The following TLK1 variants were observed in gnomAD, a reference collection of about 807,000 sequenced individuals.
TLK1 encodes tousled like kinase 1.
A neutral mutation model predicts 105.3 loss-of-function variants in TLK1; 24 were observed. That is an observed-to-expected ratio of 0.23 (90% CI 0.17 to 0.32). The LOEUF (loss-of-function observed/expected upper bound fraction) is 0.32, where lower values mean the gene tolerates loss of function less well. Ranked by LOEUF, TLK1 falls within the 10% of genes least tolerant of loss-of-function variation. The pLI is 1.00. For missense variants in TLK1, 558 were observed against 910.5 expected (o/e 0.61, Z 4.98); for synonymous variants, 321 against 310.4 (o/e 1.03, Z -0.36).
At chr2:171,093,843 A>G (rs1052374661) in intron 2 of TLK1, among the ~76,000 whole-genome samples, 3 of 152,156 alleles carry the variant, frequency 2.0e-5, no homozygotes, top group Non-Finnish European at 4.4e-5. Flanking sequence ...CTTCTGCATA[A>G]TGAGAAGACT....
intron 3 of TLK1, chr2:171,066,725 C>T (rs531186918): frequency 1.4e-5 from 14 of 1,002,956 alleles, no homozygotes; most frequent in South Asian, 8.8e-5. Context: ...TTATCACTTA[C>T]GTAGTCTATT....
At chr2:171,012,639 C>T (rs2105370182) in intron 13 of TLK1, among the ~76,000 whole-genome samples, 1 of 152,198 alleles carries the variant, frequency 6.6e-6, no homozygotes, top group Admixed American at 6.5e-5. Context: ...CCACCACGCC[C>T]AGCTAATTTT....
chr2:171,174,798 A>G (rs1000446263), intron 1 of TLK1, among the ~76,000 whole-genome samples: 14 of 151,812 alleles, frequency 9.2e-5, no homozygotes, highest in Admixed American at 5.9e-4. Flanking sequence ...CCTTTTCTCA[A>G]TTCCCCAAAT....
chr2:171,067,836 T>C (rs979674235), intron 3 of TLK1, among the ~76,000 whole-genome samples: 3 of 152,092 alleles, frequency 2.0e-5, no homozygotes, highest in African/African-American at 7.2e-5. Flanking sequence ...GTGTTCTCAC[T>C]GTTCAACTCC....
chr2:171,048,822 T>G (rs1489902695), intron 10 of TLK1, among the ~76,000 whole-genome samples: 1 of 152,178 alleles, frequency 6.6e-6, no homozygotes, highest in Non-Finnish European at 1.5e-5. Flanking sequence ...CTATTTCAAA[T>G]AACTGGATAC....
chr2:171,044,765 T>G (rs375929046), intron 11 of TLK1, among the ~76,000 whole-genome samples: 1 of 152,310 alleles, frequency 6.6e-6, no homozygotes, highest in East Asian at 1.9e-4. Context: ...TGCAGCCGGA[T>G]GAGTTAAAAT....
intron 1 of TLK1, among the ~76,000 whole-genome samples, chr2:171,159,429 A>G (rs759003220): frequency 4.4e-4 from 67 of 152,226 alleles, no homozygotes; most frequent in Non-Finnish European, 1.5e-4. Flanking sequence ...GTGCCTTACA[A>G]GCTGTGTAAC....
intron 3 of TLK1, among the ~76,000 whole-genome samples, chr2:171,062,465 T>C (rs971111558): frequency 6.6e-6 from 1 of 152,182 alleles, no homozygotes; most frequent in East Asian, 1.9e-4. Context: ...GTATTTAAAG[T>C]TCTCCCACCT....
At chr2:171,229,961 C>T (rs1257627177) in intron 1 of TLK1, among the ~76,000 whole-genome samples, 3 of 152,104 alleles carry the variant, frequency 2.0e-5, no homozygotes, top group African/African-American at 7.2e-5. Context: ...TTGTAAGGTA[C>T]TACCTCTGTT....
intron 2 of TLK1, among the ~76,000 whole-genome samples, chr2:171,095,943 C>G (rs1689433811): frequency 1.3e-5 from 2 of 152,032 alleles, no homozygotes; most frequent in Admixed American, 6.5e-5. Context: ...AGCTTTTCCT[C>G]TAAGATCAGG....
At chr2:171,179,081 G>A (rs1692882608) in intron 1 of TLK1, among the ~76,000 whole-genome samples, 1 of 152,122 alleles carries the variant, frequency 6.6e-6, no homozygotes, top group Non-Finnish European at 1.5e-5. Context: ...ACACCAGAAT[G>A]GACCTTATAT....
chr2:171,053,237 T>C (rs1687326183), intron 8 of TLK1, among the ~76,000 whole-genome samples: 1 of 152,236 alleles, frequency 6.6e-6, no homozygotes, highest in Admixed American at 6.5e-5. Context: ...TGTTATTAAC[T>C]TCCAGTTCTC....
intron 2 of TLK1, among the ~76,000 whole-genome samples, chr2:171,090,185 A>C (rs1689166266): frequency 6.6e-6 from 1 of 152,074 alleles, no homozygotes; most frequent in Non-Finnish European, 1.5e-5. Context: ...ATTTCAACTT[A>C]TATTTTTATT....
upstream of TLK1, among the ~76,000 whole-genome samples, chr2:171,162,132 C>T (rs1356849013): frequency 6.6e-6 from 1 of 152,188 alleles, no homozygotes; most frequent in African/African-American, 2.4e-5. Flanking sequence ...TTGCCTTGTG[C>T]TTTAGATACT....
chr2:171,102,471 A>T (rs1476849169), intron 2 of TLK1, among the ~76,000 whole-genome samples: 1 of 152,218 alleles, frequency 6.6e-6, no homozygotes, highest in African/African-American at 2.4e-5. Context: ...AGTTTATAAC[A>T]TTTACCCTTC....
chr2:171,138,652 T>C (rs546879833), intron 1 of TLK1, among the ~76,000 whole-genome samples: 1 of 152,292 alleles, frequency 6.6e-6, no homozygotes, highest in East Asian at 1.9e-4. Context: ...TAAGACTGTT[T>C]TAATTTTTAA....
At chr2:171,048,825 CTG>C (rs1687087034) in intron 10 of TLK1, among the ~76,000 whole-genome samples, 1 of 152,192 alleles carries the variant, frequency 6.6e-6, no homozygotes, top group Non-Finnish European at 1.5e-5. Context: ...TTTCAAATAA[CTG>C]GATACTCTGG....
chr2:171,113,899 T>C (rs1044695455), intron 2 of TLK1, among the ~76,000 whole-genome samples: 52 of 152,220 alleles, frequency 3.4e-4, no homozygotes, highest in Non-Finnish European at 3.5e-4. Flanking sequence ...ATTCTAGTTT[T>C]TGAATTTCTT....
intron 2 of TLK1, among the ~76,000 whole-genome samples, chr2:171,089,815 G>C (rs571206775): frequency 3.3e-5 from 5 of 151,996 alleles, no homozygotes; most frequent in Non-Finnish European, 5.9e-5. Flanking sequence ...CTGGGATTAC[G>C]GGCACAAGCC....
Sources: gnomAD v4.1 joint callset for allele counts (sites outside exome capture counted in the v4.1 genomes callset) on GRCh38, gnomAD v4.1.1 for gene constraint, MANE v1.5 for transcripts, NCBI Gene and HGNC (gene_info 2026-07-23, HGNC 2026-07-21) for gene names.